SLC24A2: variants seen among roughly 807,000 people sequenced by gnomAD.
The protein encoded by SLC24A2 is sodium/potassium/calcium exchanger 2.
A neutral mutation model predicts 62.0 loss-of-function variants in SLC24A2; 36 were observed. The ratio of observed to expected loss-of-function variants is 0.58; its 90% CI spans 0.44 to 0.77. The LOEUF (loss-of-function observed/expected upper bound fraction) is 0.77. SLC24A2 is among the 30% of genes least tolerant of loss of function. SLC24A2 has a pLI of 0.00. For missense variants in SLC24A2, 846 were observed against 817.9 expected (o/e 1.03, Z -0.42); for synonymous variants, 358 against 294.0 (o/e 1.22, Z -2.23).
chr9:20,035,267 T>A, the SLC24A2 span, among the ~76,000 whole-genome samples: 1 of 152,114 alleles, frequency 6.6e-6, no homozygotes, highest in African/African-American at 2.4e-5. Context: ...TTAAGTGGGG[T>A]GATTAAATAA....
the SLC24A2 span, among the ~76,000 whole-genome samples, chr9:19,899,210 C>T: frequency 6.6e-6 from 1 of 152,178 alleles, no homozygotes; most frequent in Non-Finnish European, 1.5e-5. Context: ...ATGCTCTTGC[C>T]GCAAGGGAGA....
intron 5 of SLC24A2, among the ~76,000 whole-genome samples, chr9:19,594,019 C>T (rs1587007800): frequency 6.6e-6 from 1 of 152,156 alleles, no homozygotes; most frequent in East Asian, 1.9e-4. Context: ...TCCCTTCATC[C>T]TTTTCTTAGC....
chr9:20,198,712 A>G, the SLC24A2 span, among the ~76,000 whole-genome samples: 4 of 146,864 alleles, frequency 2.7e-5, no homozygotes, highest in Non-Finnish European at 4.5e-5. Flanking sequence ...TCTCTCCCCA[A>G]GCCATCCACC....
the SLC24A2 span, among the ~76,000 whole-genome samples, chr9:20,198,598 G>T: frequency 1.3e-5 from 2 of 152,106 alleles, no homozygotes; most frequent in Admixed American, 6.5e-5. Context: ...TATACTCATG[G>T]CTGGGTGGGT....
At chr9:19,604,350 C>A (rs1389039664) in intron 4 of SLC24A2, among the ~76,000 whole-genome samples, 1 of 152,116 alleles carries the variant, frequency 6.6e-6, no homozygotes, top group African/African-American at 2.4e-5. Flanking sequence ...GAGTCCTCAG[C>A]ACACAAAAGA....
the SLC24A2 span, chr9:19,929,304 T>C: frequency 1.4e-4 from 21 of 152,332 alleles, no homozygotes; most frequent in African/African-American, 5.1e-4. Flanking sequence ...CCATGGACTC[T>C]TAGCAAGCCA....
chr9:19,624,195 T>A (rs988828235), intron 2 of SLC24A2, among the ~76,000 whole-genome samples: 3 of 152,138 alleles, frequency 2.0e-5, no homozygotes, highest in African/African-American at 7.2e-5. Context: ...AGCTCAGCCT[T>A]TAGACATACA....
the SLC24A2 span, among the ~76,000 whole-genome samples, chr9:20,270,338 T>C: frequency 6.6e-6 from 1 of 152,138 alleles, no homozygotes; most frequent in African/African-American, 2.4e-5. Flanking sequence ...CTAGGCTATA[T>C]TTTTTACTGT....
At chr9:19,605,737 G>A (rs1424593839) in intron 4 of SLC24A2, among the ~76,000 whole-genome samples, 1 of 152,200 alleles carries the variant, frequency 6.6e-6, no homozygotes, top group East Asian at 1.9e-4. Flanking sequence ...AACTAATGAT[G>A]TGGCAAGCAC....
the SLC24A2 span, among the ~76,000 whole-genome samples, chr9:20,026,695 A>T: frequency 6.6e-6 from 1 of 152,220 alleles, no homozygotes; most frequent in Non-Finnish European, 1.5e-5. Flanking sequence ...GAAAGACTTA[A>T]ATGTAAGATC....
chr9:19,816,037 C>A, the SLC24A2 span, among the ~76,000 whole-genome samples: 1 of 135,354 alleles, frequency 7.4e-6, no homozygotes, highest in African/African-American at 2.7e-5. Context: ...CCCAGGCTTA[C>A]CTGGTTTGTG....
intron 8 of SLC24A2, among the ~76,000 whole-genome samples, chr9:19,530,809 G>A (rs1833672350): frequency 6.6e-6 from 1 of 152,170 alleles, no homozygotes; most frequent in Admixed American, 6.6e-5. Flanking sequence ...TGAATTTTCA[G>A]TCTTCATCAT....
the SLC24A2 span, among the ~76,000 whole-genome samples, chr9:19,878,471 A>G: frequency 6.6e-6 from 1 of 152,236 alleles, no homozygotes; most frequent in Admixed American, 6.5e-5. Context: ...AAGAAATAGC[A>G]TAATGATCAT....
At chr9:19,741,015 A>G (rs543436279) in intron 2 of SLC24A2, among the ~76,000 whole-genome samples, 60 of 152,290 alleles carry the variant, frequency 3.9e-4, no homozygotes, top group African/African-American at 1.4e-3. Context: ...TGGAAATGGA[A>G]TGTCATTTGA....
chr9:20,004,697 C>T, the SLC24A2 span, among the ~76,000 whole-genome samples: 1 of 152,080 alleles, frequency 6.6e-6, no homozygotes, highest in Non-Finnish European at 1.5e-5. Context: ...TATATGTGTT[C>T]ATGGCAATAT....
intron 2 of SLC24A2, among the ~76,000 whole-genome samples, chr9:19,727,668 T>C (rs1406683993): frequency 6.6e-6 from 1 of 152,208 alleles, no homozygotes; most frequent in African/African-American, 2.4e-5. Flanking sequence ...ATTCAAGTAA[T>C]TTTGCTATAA....
At chr9:19,646,087 A>G (rs1320494592) in intron 2 of SLC24A2, among the ~76,000 whole-genome samples, 1 of 152,184 alleles carries the variant, frequency 6.6e-6, no homozygotes, top group Non-Finnish European at 1.5e-5. Flanking sequence ...CATGGAAATG[A>G]TGTACAGCTG....
intron 5 of SLC24A2, among the ~76,000 whole-genome samples, chr9:19,595,744 T>C (rs1366439552): frequency 3.9e-5 from 6 of 151,994 alleles, no homozygotes; most frequent in African/African-American, 1.5e-4. Flanking sequence ...GAAACAAAAG[T>C]ACGTAGGAGG....
chr9:19,993,579 G>A, the SLC24A2 span, among the ~76,000 whole-genome samples: 1 of 152,118 alleles, frequency 6.6e-6, no homozygotes, highest in Admixed American at 6.6e-5. Flanking sequence ...CATTTATAGA[G>A]TACCTGCTAC....
Sources: gnomAD v4.1 joint callset for allele counts (sites outside exome capture counted in the v4.1 genomes callset) on GRCh38, gnomAD v4.1.1 for gene constraint, MANE v1.5 for transcripts, NCBI Gene and HGNC (gene_info 2026-07-23, HGNC 2026-07-21) for gene names.